SLC35F3: variants seen among roughly 807,000 people sequenced by gnomAD.
The protein encoded by SLC35F3 is solute carrier family 35 member F3, also known as putative thiamine transporter SLC35F3.
Under a neutral mutation model 49.9 loss-of-function variants are expected in SLC35F3, and 25 were observed. The observed-to-expected ratio is 0.50, with a 90% CI of 0.37 to 0.70. The LOEUF is 0.70. Among genes scored for constraint, SLC35F3 ranks in the 30% least tolerant of loss-of-function variants. SLC35F3 has a pLI of 0.00. For synonymous variants in SLC35F3, 275 were observed against 265.4 expected (o/e 1.04, Z -0.35); for missense variants, 525 against 639.8 (o/e 0.82, Z 1.94).
At chr1:234,173,950 T>A (rs1666439036) in intron 2 of SLC35F3, among the ~76,000 whole-genome samples, 1 of 152,196 alleles carries the variant, frequency 6.6e-6, no homozygotes, top group Non-Finnish European at 1.5e-5. Flanking sequence ...AATGTGCCCA[T>A]GTGTGCCCCA....
Position 234,224,492 on chromosome 1 carries a change from T to C in SLC35F3, c.284-6925T>C, listed in dbSNP as rs76957239. ...AGTCCATAACACCCTCTTTCCAGAATAGCATATCCTAGTGCAGGGTCCCAT... is the reference window on the plus strand; with the variant it reads ...AGTCCATAACACCCTCTTTCCAGAACAGCATATCCTAGTGCAGGGTCCCAT... On this transcript the variant is annotated intron_variant, in intron 2 of 7. Transcript: ENST00000366618. Among the ~76,000 whole-genome samples the C allele has an allele frequency of 8.6e-3, 1,306 of 152,340 alleles. 14 individuals carry two copies. Among genetic ancestry groups the C allele is most frequent in the African/African-American group, 0.028 (1,183 of 41,576 alleles).
chr1:234,109,476 C>T (rs574659012), intron 2 of SLC35F3, among the ~76,000 whole-genome samples: 1 of 152,174 alleles, frequency 6.6e-6, no homozygotes, highest in African/African-American at 2.4e-5. Flanking sequence ...CCCCAGAGAA[C>T]CCACCTTGAA....
chr1:234,302,432 C>T (rs1219885187), intron 3 of SLC35F3, among the ~76,000 whole-genome samples: 3 of 151,932 alleles, frequency 2.0e-5, no homozygotes, highest in Admixed American at 6.6e-5. Context: ...GAGCAGGCAT[C>T]GACTAGAGTA....
chr1:234,251,287 G>GAA (rs1667734074), intron 3 of SLC35F3, among the ~76,000 whole-genome samples: 1 of 152,062 alleles, frequency 6.6e-6, no homozygotes, highest in Admixed American at 6.6e-5. Context: ...GGACAAAAGG[G>GAA]AAAGTAACCA....
chr1:234,300,716 A>G (rs1668679667), intron 3 of SLC35F3, among the ~76,000 whole-genome samples: 1 of 152,258 alleles, frequency 6.6e-6, no homozygotes. Context: ...ATTGATGGAA[A>G]TTAACCAACC....
chr1:233,908,781 A>G (rs76416165), intron 2 of SLC35F3, among the ~76,000 whole-genome samples: 4,141 of 144,496 alleles, frequency 0.029, 119 homozygotes, highest in East Asian at 0.16. Context: ...TGATCTGCCC[A>G]CCTCGGCCTC....
intron 3 of SLC35F3, among the ~76,000 whole-genome samples, chr1:234,283,176 CG>C (rs1215792205): frequency 6.6e-6 from 1 of 152,190 alleles, no homozygotes; most frequent in East Asian, 1.9e-4. Context: ...CTCTTCATCC[CG>C]TGCAGGGCCC....
rs1429717982 is a variant in SLC35F3 at position 234,323,044 on chromosome 1, G to A, written c.1274G>A (p.Gly425Glu). Residue 425 changes from glycine to glutamate, a missense_variant, in exon 8 of 8, where the codon GGG (glycine) becomes GAG (glutamate). This residue lies in a region of SLC35F3 where 76 missense variants were observed against 95.6 expected (regional missense o/e 0.80). Transcript: ENST00000366618. This position sits in a 1 kb window ranked among gnomAD's most constrained non-coding sequence, Gnocchi z 4.5. ...DHYTSQIVFN[G>E]VRVIAIIIIG... ...TACACCAGTCAGATCGTCTTCAATG[G>A]GGTCCGGGTCATCGCCATCATCATC... 5 of 1,614,052 alleles carry A rather than the reference G, an allele frequency of 3.1e-6. No homozygotes were observed. Among genetic ancestry groups the A allele is most frequent in the Non-Finnish European group, 4.2e-6 (5 of 1,180,046 alleles).
chr1:233,906,351 G>C (rs1476174031), intron 2 of SLC35F3, among the ~76,000 whole-genome samples: 1 of 152,152 alleles, frequency 6.6e-6, no homozygotes, highest in Admixed American at 6.5e-5. Context: ...AATGTTTGGT[G>C]TCAGGTGGAG....
chr1:234,287,893 A>AT (rs1194918245), intron 3 of SLC35F3, among the ~76,000 whole-genome samples: 1 of 151,950 alleles, frequency 6.6e-6, no homozygotes, highest in Non-Finnish European at 1.5e-5. Flanking sequence ...TGGTGGCGAA[A>AT]TTTTTTTTAG....
chr1:234,238,425 G>A (rs1316459061), intron 3 of SLC35F3, among the ~76,000 whole-genome samples: 4 of 152,172 alleles, frequency 2.6e-5, no homozygotes, highest in Non-Finnish European at 2.9e-5. Flanking sequence ...GTCTCTGCCT[G>A]TTTTAAGACA....
At chr1:234,303,099 C>G (rs1292123079) in intron 3 of SLC35F3, among the ~76,000 whole-genome samples, 1 of 152,074 alleles carries the variant, frequency 6.6e-6, no homozygotes, top group African/African-American at 2.4e-5. Context: ...CTCACCCTAC[C>G]CTTTCTTCCC....
chr1:234,057,002 C>G lies in SLC35F3; in HGVS notation c.283+151244C>G, dbSNP rs116128905. 5.9e-3 allele frequency among the ~76,000 whole-genome samples: 893 copies of G among 152,248 alleles called. 5 individuals are homozygous for G. The highest frequency in any genetic ancestry group is 8.4e-3 in the Non-Finnish European group (571 of 68,008). On this transcript the variant is annotated intron_variant, in intron 2 of 7. Coordinates refer to ENST00000366618, the MANE Select transcript of SLC35F3 (RefSeq NM_173508.4). ...TGGGTTTATGTCTGGATTCTCAACT[C>G]TATTTTCTTGATCTACATATCTGTT...
At chr1:234,044,219 C>T (rs949009049) in intron 2 of SLC35F3, among the ~76,000 whole-genome samples, 1 of 152,222 alleles carries the variant, frequency 6.6e-6, no homozygotes, top group Non-Finnish European at 1.5e-5. Flanking sequence ...ATGCCCTGCT[C>T]AAGCAGGAAA....
intron 3 of SLC35F3, among the ~76,000 whole-genome samples, chr1:234,239,229 T>G (rs1667517432): frequency 6.6e-6 from 1 of 152,212 alleles, no homozygotes; most frequent in Admixed American, 6.5e-5. Flanking sequence ...ATCCTTCAAC[T>G]GGTGGATTTT....
chr1:234,313,207 G>C (rs980545469), intron 4 of SLC35F3, among the ~76,000 whole-genome samples: 1 of 152,050 alleles, frequency 6.6e-6, no homozygotes, highest in Non-Finnish European at 1.5e-5. Flanking sequence ...TAAGCAGGAG[G>C]AGCCCTAGTC....
intron 2 of SLC35F3, among the ~76,000 whole-genome samples, chr1:233,960,352 A>C (rs892911341): frequency 6.6e-6 from 1 of 152,080 alleles, no homozygotes; most frequent in Non-Finnish European, 1.5e-5. Flanking sequence ...GAGGACATTA[A>C]ACATGTCTTT....
intron 2 of SLC35F3, among the ~76,000 whole-genome samples, chr1:234,142,426 C>G (rs1156580103): frequency 2.0e-5 from 3 of 152,086 alleles, no homozygotes; most frequent in African/African-American, 7.2e-5. Flanking sequence ...AGGAATAGAG[C>G]CGTTTTGTCC....
chr1:234,193,764 C>A lies in SLC35F3; in HGVS notation c.284-37653C>A, dbSNP rs560161349. Among the ~76,000 whole-genome samples, 62 of 152,144 alleles carry A rather than the reference C, an allele frequency of 4.1e-4. No homozygotes were observed. The South Asian group carries it at 9.6e-3, about 23-fold the overall frequency. ...AATTAGCAAGAAAGAAACAAACAGTCCCATCAAGAAGTGGGGTAAGGACAT... is the reference window on the plus strand; with the variant it reads ...AATTAGCAAGAAAGAAACAAACAGTACCATCAAGAAGTGGGGTAAGGACAT... On this transcript the variant is annotated intron_variant, in intron 2 of 7. Coordinates refer to ENST00000366618, the MANE Select transcript of SLC35F3 (RefSeq NM_173508.4).
Sources: gnomAD v4.1 joint callset for allele counts (sites outside exome capture counted in the v4.1 genomes callset) on GRCh38, gnomAD v4.1.1 for gene constraint, gnomAD v4.1.1 regional missense constraint, Gnocchi (gnomAD v3.1) non-coding constraint, MANE v1.5 for transcripts, NCBI Gene and HGNC (gene_info 2026-07-23, HGNC 2026-07-21) for gene names.